ALK: variants seen among roughly 807,000 people sequenced by gnomAD.
ALK encodes the protein ALK tyrosine kinase receptor.
ALK carries 74 observed loss-of-function variants against 163.1 expected under a neutral mutation model. The ratio of observed to expected loss-of-function variants is 0.45; its 90% CI spans 0.38 to 0.55. The LOEUF (loss-of-function observed/expected upper bound fraction) is 0.55, where lower values mean the gene tolerates loss of function less well. Among genes scored for constraint, ALK ranks in the 20% least tolerant of loss-of-function variants. The probability of loss-of-function intolerance (pLI) is 0.00; values close to 1 mark genes in which losing one functional copy is unlikely to be tolerated. For synonymous variants in ALK, 960 were observed against 843.2 expected, an observed-to-expected ratio of 1.14 and a Z score of -2.40; for missense variants, 2,063 against 2,105.3, an observed-to-expected ratio of 0.98 and a Z score of 0.39.
At chr2:29,363,157 A>G (rs1481004513) in intron 5 of ALK, among the ~76,000 whole-genome samples, 1 of 152,174 alleles carries the variant, frequency 6.6e-6, no homozygotes, top group Non-Finnish European at 1.5e-5. Flanking sequence ...CATAATGGCT[A>G]TCTAGAACCT....
At chr2:29,592,132 G>C (rs898091760) in intron 3 of ALK, among the ~76,000 whole-genome samples, 3 of 152,088 alleles carry the variant, frequency 2.0e-5, no homozygotes, top group Non-Finnish European at 4.4e-5. Context: ...ACCCTGAGTC[G>C]CCAGCAGCTG....
intron 1 of ALK, among the ~76,000 whole-genome samples, chr2:29,753,423 CTAAGT>C (rs1414552627): frequency 3.3e-5 from 5 of 152,132 alleles, no homozygotes. Context: ...TAGGAACTGG[CTAAGT>C]TAAGATCAAT....
intron 4 of ALK, among the ~76,000 whole-genome samples, chr2:29,386,612 G>A (rs991577962): frequency 4.6e-5 from 7 of 152,166 alleles, no homozygotes; most frequent in African/African-American, 1.7e-4. Context: ...GGTACACAGC[G>A]GCCCTTGACA....
intron 3 of ALK, among the ~76,000 whole-genome samples, chr2:29,622,998 T>C (rs945915352): frequency 2.6e-5 from 4 of 152,322 alleles, no homozygotes; most frequent in Non-Finnish European, 5.9e-5. Context: ...ACGCGGTCCC[T>C]GGCACCTAGG....
intron 1 of ALK, among the ~76,000 whole-genome samples, chr2:29,768,757 G>A (rs901037059): frequency 7.4e-6 from 1 of 135,286 alleles, no homozygotes; most frequent in African/African-American, 2.7e-5. Context: ...ATATGTATAT[G>A]TGCCTATAAG....
chr2:29,237,893 C>T (rs535523171), intron 13 of ALK, among the ~76,000 whole-genome samples: 1 of 152,290 alleles, frequency 6.6e-6, no homozygotes, highest in East Asian at 1.9e-4. Context: ...CAGGACAGAT[C>T]CCCGCCCCTA....
chr2:29,785,066 T>C (rs1663973770), intron 1 of ALK, among the ~76,000 whole-genome samples: 1 of 152,112 alleles, frequency 6.6e-6, no homozygotes, highest in South Asian at 2.1e-4. Flanking sequence ...GGGGACAGCA[T>C]AGCAAAAAGA....
chr2:29,671,421 A>C (rs1196224350), intron 3 of ALK, among the ~76,000 whole-genome samples: 1 of 152,038 alleles, frequency 6.6e-6, no homozygotes, highest in South Asian at 2.1e-4. Context: ...TAGAGTTTCC[A>C]TGGCTGGAGA....
At chr2:29,537,221 C>T (rs943635858) in intron 3 of ALK, among the ~76,000 whole-genome samples, 2 of 152,196 alleles carry the variant, frequency 1.3e-5, no homozygotes, top group Admixed American at 6.5e-5. Flanking sequence ...AAAAAAAGAT[C>T]GCAAGGGCAT....
At chr2:29,408,625 T>C (rs191143591) in intron 4 of ALK, among the ~76,000 whole-genome samples, 18 of 152,360 alleles carry the variant, frequency 1.2e-4, no homozygotes, top group Admixed American at 1.2e-3. Flanking sequence ...GAGGCTTATG[T>C]AGTACTCTGA....
intron 4 of ALK, among the ~76,000 whole-genome samples, chr2:29,489,461 A>C (rs2148123911): frequency 6.6e-6 from 1 of 152,170 alleles, no homozygotes; most frequent in East Asian, 1.9e-4. Context: ...CACCTTGCCC[A>C]ACTAAGTTTT....
chr2:29,439,387 A>G (rs1330104135), intron 4 of ALK, among the ~76,000 whole-genome samples: 2 of 152,224 alleles, frequency 1.3e-5, no homozygotes, highest in Admixed American at 1.3e-4. Flanking sequence ...TCAATAATTA[A>G]TAAAAAATAA....
chr2:29,407,344 T>G (rs529739350), intron 4 of ALK, among the ~76,000 whole-genome samples: 62 of 152,374 alleles, frequency 4.1e-4, no homozygotes, highest in African/African-American at 1.4e-3. Flanking sequence ...AGTTAACATT[T>G]ATTGAACTCT....
chr2:29,314,911 G>A (rs1251007997), intron 8 of ALK, among the ~76,000 whole-genome samples: 1 of 152,164 alleles, frequency 6.6e-6, no homozygotes. Context: ...AGACACATCC[G>A]CGGGTGTCTC....
At chr2:29,332,324 A>T (rs909715083) in intron 5 of ALK, among the ~76,000 whole-genome samples, 6 of 126,408 alleles carry the variant, frequency 4.7e-5, no homozygotes, top group East Asian at 2.7e-4. Flanking sequence ...AAAAAAAAAA[A>T]GTCTATGAGG....
intron 1 of ALK, among the ~76,000 whole-genome samples, chr2:29,881,411 T>C (rs1260535454): frequency 6.6e-6 from 1 of 152,206 alleles, no homozygotes; most frequent in East Asian, 1.9e-4. Flanking sequence ...TTTTATCAAA[T>C]TTCAGAGAGG....
intron 1 of ALK, among the ~76,000 whole-genome samples, chr2:29,776,088 T>C (rs1295814443): frequency 6.6e-6 from 1 of 152,128 alleles, no homozygotes; most frequent in Non-Finnish European, 1.5e-5. Context: ...ATAATGTTGA[T>C]CACCTTCTCC....
At chr2:29,517,462 C>T (rs1411548786) in intron 4 of ALK, among the ~76,000 whole-genome samples, 3 of 152,096 alleles carry the variant, frequency 2.0e-5, no homozygotes, top group African/African-American at 7.2e-5. Flanking sequence ...ATCATTTAAC[C>T]AATCCTCTAT....
At chr2:29,548,127 C>T (rs1179423229) in intron 3 of ALK, among the ~76,000 whole-genome samples, 1 of 152,164 alleles carries the variant, frequency 6.6e-6, no homozygotes, top group Admixed American at 6.6e-5. Flanking sequence ...GGTGTGGCAG[C>T]TGTCTTGTAA....
Sources: allele counts gnomAD v4.1 joint callset (sites outside exome capture counted in the v4.1 genomes callset), GRCh38; gene constraint gnomAD v4.1.1; transcripts MANE v1.5; gene names NCBI Gene and HGNC (gene_info 2026-07-23, HGNC 2026-07-21).